ANKFN1: variants seen among roughly 807,000 people sequenced by gnomAD.
The protein encoded by ANKFN1 is ankyrin repeat and fibronectin type III domain containing 1.
Under a neutral mutation model 108.7 loss-of-function variants are expected in ANKFN1, and 74 were observed. The ratio of observed to expected loss-of-function variants is 0.68; its 90% CI spans 0.56 to 0.83. ANKFN1 has a LOEUF of 0.83. Ranked by LOEUF, ANKFN1 falls within the 40% of genes least tolerant of loss-of-function variation. The pLI, the probability that ANKFN1 is intolerant of heterozygous loss-of-function variation, is 0.00. For synonymous variants in ANKFN1, 547 were observed against 516.2 expected, an observed-to-expected ratio of 1.06 and a Z score of -0.81; for missense variants, 1,505 against 1,382.3, an observed-to-expected ratio of 1.09 and a Z score of -1.41.
chr17:56,500,215 C>T (rs1288403229), intron 20 of ANKFN1, among the ~76,000 whole-genome samples: 1 of 152,086 alleles, frequency 6.6e-6, no homozygotes, highest in Non-Finnish European at 1.5e-5. Flanking sequence ...ATTGTCAATA[C>T]CCTATTTAAT....
chr17:56,372,290 C>T (rs558172489), intron 6 of ANKFN1, among the ~76,000 whole-genome samples: 28 of 152,150 alleles, frequency 1.8e-4, no homozygotes, highest in Non-Finnish European at 3.5e-4. Context: ...ACATGTTTGT[C>T]CTTCTAGAGG....
intron 8 of ANKFN1, among the ~76,000 whole-genome samples, chr17:56,400,847 C>A (rs183669875): frequency 1.2e-4 from 19 of 152,228 alleles, no homozygotes; most frequent in African/African-American, 4.6e-4. Flanking sequence ...AAAAGGGTGT[C>A]CTTTCCCCAC....
intron 8 of ANKFN1, among the ~76,000 whole-genome samples, chr17:56,408,356 A>G (rs1026949020): frequency 3.3e-5 from 5 of 152,218 alleles, no homozygotes; most frequent in Non-Finnish European, 5.9e-5. Context: ...TTTGTTAACC[A>G]TATTTTCTCC....
intron 13 of ANKFN1, 72 bp downstream of exon 13, chr17:56,457,461 A>T: frequency 6.9e-7 from 1 of 1,442,554 alleles, no homozygotes. Context: ...CTGAAACATT[A>T]GTTGAGGGGT....
At chr17:56,424,979 G>T (rs2048514459) in intron 8 of ANKFN1, among the ~76,000 whole-genome samples, 1 of 152,176 alleles carries the variant, frequency 6.6e-6, no homozygotes. Context: ...GCAATGAGAT[G>T]CCAATGTTTT....
chr17:56,332,073 C>T (rs2045678442), intron 4 of ANKFN1, among the ~76,000 whole-genome samples: 3 of 152,108 alleles, frequency 2.0e-5, no homozygotes, highest in South Asian at 2.1e-4. Context: ...TCTCCATTTT[C>T]GGTGGTGTTA....
intron 8 of ANKFN1, 139 bp from the exon 9 acceptor site, chr17:56,440,188 C>A: frequency 2.3e-6 from 1 of 443,440 alleles, no homozygotes; most frequent in Non-Finnish European, 4.1e-6. Flanking sequence ...TTGTCTGATA[C>A]ACCAATATAA....
intron 3 of ANKFN1, among the ~76,000 whole-genome samples, chr17:56,314,310 T>A (rs2144463370): frequency 6.6e-6 from 1 of 152,284 alleles, no homozygotes; most frequent in African/African-American, 2.4e-5. Context: ...TGCCGAGTCA[T>A]AAGGTATATT....
chr17:56,255,485 A>G (rs1371608309), intron 3 of ANKFN1, among the ~76,000 whole-genome samples: 3 of 152,344 alleles, frequency 2.0e-5, no homozygotes, highest in South Asian at 2.1e-4. Flanking sequence ...TGAGAAACAG[A>G]CTGGAAAAAT....
chr17:56,064,290 C>T (rs977811855), intron 4 of ANKFN1, among the ~76,000 whole-genome samples: 1 of 152,194 alleles, frequency 6.6e-6, no homozygotes, highest in Non-Finnish European at 1.5e-5. Context: ...GGGGAAAACC[C>T]ACTCGTCTGG....
chr17:56,139,689 T>C (rs920206428), intron 4 of ANKFN1, among the ~76,000 whole-genome samples: 2 of 152,192 alleles, frequency 1.3e-5, no homozygotes, highest in African/African-American at 2.4e-5. Flanking sequence ...ACCCCACTTA[T>C]AGAGGCTGCT....
chr17:56,448,150 T>C (rs16957237), intron 10 of ANKFN1, among the ~76,000 whole-genome samples: 3,341 of 152,192 alleles, frequency 0.022, 121 homozygotes, highest in African/African-American at 0.076. Context: ...TGACTAGCAA[T>C]TTTAGAGAAA....
intron 6 of ANKFN1, among the ~76,000 whole-genome samples, chr17:56,371,259 AAAAGAAAGAAG>A (rs899414600): frequency 6.6e-6 from 1 of 152,210 alleles, no homozygotes; most frequent in African/African-American, 2.4e-5. Context: ...AGCAACTTTA[AAAAGAAAGAAG>A]AAAGAAAGAA....
chr17:56,250,007 C>G (rs2043199948), intron 3 of ANKFN1, among the ~76,000 whole-genome samples: 1 of 152,116 alleles, frequency 6.6e-6, no homozygotes, highest in Non-Finnish European at 1.5e-5. Flanking sequence ...GTGGTTGAAA[C>G]AAAGGTAAAG....
intron 4 of ANKFN1, among the ~76,000 whole-genome samples, chr17:56,099,980 G>A (rs1486603554): frequency 6.6e-6 from 1 of 152,194 alleles, no homozygotes; most frequent in Non-Finnish European, 1.5e-5. Flanking sequence ...AGACTGGTTT[G>A]GTGGCTATGC....
chr17:56,342,732 G>A (rs2045991470), intron 4 of ANKFN1, among the ~76,000 whole-genome samples: 1 of 151,962 alleles, frequency 6.6e-6, no homozygotes, highest in African/African-American at 2.4e-5. Flanking sequence ...CAATTTTAGA[G>A]TAAGTACCAT....
chr17:56,217,812 T>G (rs1020242852), intron 2 of ANKFN1, among the ~76,000 whole-genome samples: 2 of 152,224 alleles, frequency 1.3e-5, no homozygotes, highest in African/African-American at 4.8e-5. Context: ...CTTTCCCCAG[T>G]TAAGGGGTTT....
intron 3 of ANKFN1, among the ~76,000 whole-genome samples, chr17:56,286,165 G>A (rs2044211677): frequency 1.3e-5 from 2 of 152,012 alleles, no homozygotes; most frequent in Non-Finnish European, 2.9e-5. Context: ...CTTACTCCCA[G>A]CATCATCTCA....
chr17:56,132,547 A>G (rs1443226912), intron 4 of ANKFN1, among the ~76,000 whole-genome samples: 1 of 152,214 alleles, frequency 6.6e-6, no homozygotes, highest in East Asian at 1.9e-4. Context: ...GGAATATATC[A>G]ATAAATCGCA....
Sources: gnomAD v4.1 joint callset for allele counts (sites outside exome capture counted in the v4.1 genomes callset) on GRCh38, gnomAD v4.1.1 for gene constraint, MANE v1.5 for transcripts, NCBI Gene and HGNC (gene_info 2026-07-23, HGNC 2026-07-21) for gene names.